Variants in STXBP5 observed in about 807,000 individuals in gnomAD.
STXBP5 encodes syntaxin-binding protein 5.
In STXBP5, 50 loss-of-function variants were observed where a neutral mutation model predicts 152.4. The observed-to-expected ratio is 0.33, with a 90% CI of 0.26 to 0.42. The LOEUF is 0.42. Among genes scored for constraint, STXBP5 ranks in the 10% least tolerant of loss-of-function variants. The pLI is 1.00. For missense variants in STXBP5, 1,167 were observed against 1,388.6 expected (o/e 0.84, Z 2.54); for synonymous variants, 492 against 494.7 (o/e 0.99, Z 0.07).
intron 26 of STXBP5, among the ~76,000 whole-genome samples, chr6:147,374,505 T>C (rs1049038277): frequency 6.6e-6 from 1 of 152,226 alleles, no homozygotes; most frequent in Non-Finnish European, 1.5e-5. Context: ...TCTGTAGTTT[T>C]AGTTCAGTTT....
chr6:147,276,925 G>C (rs1780470396), intron 7 of STXBP5, among the ~76,000 whole-genome samples: 1 of 152,030 alleles, frequency 6.6e-6, no homozygotes, highest in Non-Finnish European at 1.5e-5. Flanking sequence ...TAGTGCTTTT[G>C]TACTATCTTA....
intron 8 of STXBP5, among the ~76,000 whole-genome samples, chr6:147,284,493 A>G (rs1780860790): frequency 6.6e-6 from 1 of 152,252 alleles, no homozygotes; most frequent in African/African-American, 2.4e-5. Context: ...ACTGATAAAT[A>G]TAATACATTG....
intron 9 of STXBP5, among the ~76,000 whole-genome samples, chr6:147,295,744 C>T (rs571537736): frequency 2.6e-5 from 4 of 152,336 alleles, no homozygotes; most frequent in East Asian, 1.9e-4. Context: ...CTACAGTACT[C>T]ATAGGCCCTG....
At chr6:147,243,994 A>G (rs1212059897) in intron 4 of STXBP5, among the ~76,000 whole-genome samples, 2 of 152,194 alleles carry the variant, frequency 1.3e-5, no homozygotes, top group Non-Finnish European at 2.9e-5. Context: ...TAATACAATC[A>G]GCTTTTTGTA....
intron 10 of STXBP5, 37 bp from the exon 11 acceptor site, chr6:147,311,417 AT>A (rs765119416): frequency 7.0e-6 from 11 of 1,574,824 alleles, no homozygotes; most frequent in Non-Finnish European, 9.6e-6. Context: ...GTCCACTTGC[AT>A]TTTTGAAACT....
intron 26 of STXBP5, among the ~76,000 whole-genome samples, chr6:147,379,279 G>A (rs1206192175): frequency 6.6e-6 from 1 of 152,004 alleles, no homozygotes; most frequent in Non-Finnish European, 1.5e-5. Flanking sequence ...CATCTATGGG[G>A]GAAGGGAGAC....
At chr6:147,215,195 C>G (rs1777098437) in intron 2 of STXBP5, among the ~76,000 whole-genome samples, 1 of 152,246 alleles carries the variant, frequency 6.6e-6, no homozygotes, top group Non-Finnish European at 1.5e-5. Flanking sequence ...ATTTGGCCCA[C>G]AGGCCAAAGT....
intron 26 of STXBP5, among the ~76,000 whole-genome samples, chr6:147,376,313 A>C (rs933604300): frequency 2.0e-5 from 3 of 152,216 alleles, no homozygotes; most frequent in African/African-American, 7.2e-5. Context: ...ATAACCTGTA[A>C]AACTTAGAAA....
At chr6:147,299,529 A>G (rs1451791182) in intron 9 of STXBP5, among the ~76,000 whole-genome samples, 1 of 152,030 alleles carries the variant, frequency 6.6e-6, no homozygotes, top group African/African-American at 2.4e-5. Flanking sequence ...TCTCTTACCA[A>G]TACTAATTCC....
At chr6:147,380,556 C>G (rs1786035192) in intron 26 of STXBP5, among the ~76,000 whole-genome samples, 1 of 150,948 alleles carries the variant, frequency 6.6e-6, no homozygotes, top group African/African-American at 2.4e-5. Context: ...AACTGTAACA[C>G]TCTTAGAAGA....
chr6:147,232,438 A>G (rs1012230389), intron 2 of STXBP5, among the ~76,000 whole-genome samples: 6 of 151,786 alleles, frequency 4.0e-5, no homozygotes, highest in African/African-American at 1.2e-4. Flanking sequence ...GGCATTATCA[A>G]TTCTTTAAAA....
At chr6:147,214,528 C>T (rs2115050459) in intron 2 of STXBP5, among the ~76,000 whole-genome samples, 2 of 152,272 alleles carry the variant, frequency 1.3e-5, no homozygotes, top group African/African-American at 4.8e-5. Context: ...AAACTTTTCT[C>T]TGTTTAAATA....
At chr6:147,270,226 G>A (rs1000402247) in intron 7 of STXBP5, among the ~76,000 whole-genome samples, 5 of 151,552 alleles carry the variant, frequency 3.3e-5, no homozygotes, top group South Asian at 2.1e-4. Flanking sequence ...GTGAAACCTC[G>A]TCTCTACTAA....
chr6:147,215,145 G>A (rs73788821), intron 2 of STXBP5, among the ~76,000 whole-genome samples: 2,495 of 152,300 alleles, frequency 0.016, 62 homozygotes, highest in African/African-American at 0.056. Flanking sequence ...ATAAGTGTGC[G>A]TCAGTAAAAC....
At chr6:147,377,179 A>G (rs1785851442) in intron 26 of STXBP5, among the ~76,000 whole-genome samples, 1 of 152,200 alleles carries the variant, frequency 6.6e-6, no homozygotes, top group African/African-American at 2.4e-5. Flanking sequence ...TATGCTTGTA[A>G]TCAATAACAA....
intron 22 of STXBP5, 98 bp downstream of exon 22, chr6:147,353,471 C>G (rs1289933472): frequency 5.4e-6 from 4 of 743,904 alleles, no homozygotes; most frequent in Admixed American, 3.6e-5. Flanking sequence ...CATTGGAAAG[C>G]AAGTTTAAAA....
At chr6:147,310,006 A>C in intron 9 of STXBP5, 78 bp from the exon 10 acceptor site, 1 of 1,025,242 alleles carries the variant, frequency 9.8e-7, no homozygotes, top group Non-Finnish European at 1.3e-6. Flanking sequence ...TTATTTCACT[A>C]AATTAAAAAA....
chr6:147,376,817 ATACAT>A (rs1316378945), intron 26 of STXBP5, among the ~76,000 whole-genome samples: 1 of 152,138 alleles, frequency 6.6e-6, no homozygotes, highest in Non-Finnish European at 1.5e-5. Flanking sequence ...GTCTCTAAAA[ATACAT>A]TAATTAATTA....
chr6:147,349,895 A>G (rs137966970), intron 21 of STXBP5, among the ~76,000 whole-genome samples: 90 of 152,304 alleles, frequency 5.9e-4, no homozygotes, highest in African/African-American at 2.0e-3. Context: ...ACAAGTAACA[A>G]AAGTTAATCT....
Sources: allele counts gnomAD v4.1 joint callset (sites outside exome capture counted in the v4.1 genomes callset), GRCh38; gene constraint gnomAD v4.1.1; transcripts MANE v1.5; gene names NCBI Gene and HGNC (gene_info 2026-07-23, HGNC 2026-07-21).